CACNA1C: variants seen among roughly 807,000 people sequenced by gnomAD.
CACNA1C encodes voltage-dependent L-type calcium channel subunit alpha-1C.
Under a neutral mutation model 229.0 loss-of-function variants are expected in CACNA1C, and 30 were observed. The ratio of observed to expected loss-of-function variants is 0.13; its 90% CI spans 0.10 to 0.18. The LOEUF is 0.18. Among genes scored for constraint, CACNA1C ranks in the 10% least tolerant of loss-of-function variants. The pLI, the probability that CACNA1C is intolerant of heterozygous loss-of-function variation, is 1.00. For missense variants in CACNA1C, 1,658 were observed against 2,845.0 expected (o/e 0.58, Z 9.49); for synonymous variants, 1,114 against 1,132.5 (o/e 0.98, Z 0.33).
chr12:2,374,585 G>C (rs2097978938), intron 3 of CACNA1C, among the ~76,000 whole-genome samples: 1 of 152,220 alleles, frequency 6.6e-6, no homozygotes, highest in African/African-American at 2.4e-5. Flanking sequence ...GGCATTGGTA[G>C]AGCGGTCAGG....
chr12:1,978,124 G>A (rs1011994214), intron 1 of CACNA1C, among the ~76,000 whole-genome samples: 1 of 152,130 alleles, frequency 6.6e-6, no homozygotes, highest in Non-Finnish European at 1.5e-5. Flanking sequence ...TTTTGGCAAA[G>A]AGAAATCTTG....
Position 2,674,659 on chromosome 12 carries a change from C to T in CACNA1C, c.4828+17C>T, listed in dbSNP as rs1286891867. ...CTGCAGGTGGTGAGTGCTCCCTGGA[C>T]TCCCGCACCTTGGCCACTGCCTGGC... On this transcript the variant is annotated intron_variant, in intron 39 of 46. Coordinates refer to ENST00000399655, the MANE Select transcript of CACNA1C (RefSeq NM_000719.7). 1 of 1,543,326 alleles carries T rather than the reference C, an allele frequency of 6.5e-7. No individual in the cohort carries two copies. The highest frequency in any genetic ancestry group is 2.0e-5 in the Admixed American group (1 of 51,218).
chr12:2,637,628 C>T (rs2092967950), intron 30 of CACNA1C, among the ~76,000 whole-genome samples: 1 of 152,252 alleles, frequency 6.6e-6, no homozygotes, highest in African/African-American at 2.4e-5. Context: ...TCGCTCCCTC[C>T]CACTAGATTC....
At chr12:2,596,243 CT>C in intron 20 of CACNA1C, 1 of 414,662 alleles carries the variant, frequency 2.4e-6, no homozygotes, top group East Asian at 3.9e-5. Flanking sequence ...AAGATCAGGA[CT>C]TTCATTGCCT....
At chr12:2,202,156 A>G (rs1276861414) in intron 3 of CACNA1C, among the ~76,000 whole-genome samples, 4 of 152,184 alleles carry the variant, frequency 2.6e-5, no homozygotes, top group Admixed American at 1.3e-4. Flanking sequence ...GCTTTTGATA[A>G]ATTGGATTGA....
At chr12:2,162,800 A>G (rs2095959994) in intron 3 of CACNA1C, among the ~76,000 whole-genome samples, 1 of 152,162 alleles carries the variant, frequency 6.6e-6, no homozygotes, top group Non-Finnish European at 1.5e-5. Context: ...TGCCCTAAAC[A>G]GAGAACTTTG....
intron 3 of CACNA1C, among the ~76,000 whole-genome samples, chr12:2,263,668 C>T (rs541424582): frequency 2.0e-5 from 3 of 151,918 alleles, no homozygotes; most frequent in African/African-American, 7.2e-5. Context: ...TCTAGAAGTA[C>T]ACCAGAAATG....
rs1033569362 is a variant in CACNA1C at position 2,034,335 on chromosome 12, A to G, written c.139+63134A>G. ...GAAGGGAGTACACTTTCTCCGTGAG[A>G]TGCCAGATAACTGAAAGAGAACTAC... On this transcript the variant is annotated intron_variant, in intron 1 of 46. Transcript: ENST00000682462. The surrounding 1 kb of genome is among the most constrained non-coding windows in gnomAD (Gnocchi z 4.1). Among the ~76,000 whole-genome samples the G allele has an allele frequency of 1.3e-5, 2 of 152,208 alleles. No homozygotes were observed. The highest frequency in any genetic ancestry group is 2.9e-5 in the Non-Finnish European group (2 of 68,036).
In CACNA1C at chr12:2,664,921, T is replaced by C. The variant is rs750655594; in HGVS notation, c.4329T>C (p.Gly1443=). The C allele has an allele frequency of 3.1e-6, 5 of 1,613,710 alleles. No homozygotes were observed. The Admixed American group carries it at 8.3e-5, about 27-fold the overall frequency. ...PESEPSNSTE[G]ETPCGSSFAV... ...CCGAGCCCAGCAACAGCACGGAGGGTGAAACACCCTGTGGTAGCAGCTTTG... is the reference window on the plus strand; with the variant it reads ...CCGAGCCCAGCAACAGCACGGAGGGCGAAACACCCTGTGGTAGCAGCTTTG... The change falls in exon 35 of 47, where the codon GGT becomes GGC. Residue 1443 remains glycine (G), a synonymous_variant. Coordinates refer to ENST00000399655, the MANE Select transcript of CACNA1C (RefSeq NM_000719.7).
chr12:2,201,770 C>G (rs376058524), intron 3 of CACNA1C, among the ~76,000 whole-genome samples: 1 of 152,192 alleles, frequency 6.6e-6, no homozygotes, highest in Non-Finnish European at 1.5e-5. Context: ...GAGTGAGGAA[C>G]CCTCTCCAAG....
At chr12:2,497,811 T>A (rs151060740) in intron 7 of CACNA1C, among the ~76,000 whole-genome samples, 125 of 152,258 alleles carry the variant, frequency 8.2e-4, no homozygotes, top group African/African-American at 2.8e-3. Flanking sequence ...AAATAGTGTG[T>A]TCTCTAGAAC....
chr12:2,628,601 C>T (rs183839175), intron 29 of CACNA1C, among the ~76,000 whole-genome samples: 3 of 152,262 alleles, frequency 2.0e-5, no homozygotes, highest in South Asian at 2.1e-4. Flanking sequence ...GGCAGAGCAA[C>T]GCTGGTAAAT....
chr12:2,585,723 C>A lies in CACNA1C; in HGVS notation c.2461-112C>A. 2 of 930,628 alleles carry A rather than the reference C, an allele frequency of 2.1e-6. No homozygotes were observed. Among genetic ancestry groups the A allele is most frequent in the Non-Finnish European group, 3.4e-6 (2 of 580,942 alleles). The allele number at this position is 930,628 out of a possible 1,614,324, so 57.6% of individuals were successfully genotyped here. On this transcript the variant is annotated intron_variant, in intron 17 of 46. Coordinates refer to ENST00000399655, the MANE Select transcript of CACNA1C (RefSeq NM_000719.7). The surrounding 1 kb of genome is among the most constrained non-coding windows in gnomAD (Gnocchi z 4.1). ...AAGGAGATATGCAAAGTGACAAGTA[C>A]CTATTTTTGAGCTAAGTCACTGACT...
chr12:2,528,793 C>A (rs527830700), intron 9 of CACNA1C, among the ~76,000 whole-genome samples: 1 of 152,152 alleles, frequency 6.6e-6, no homozygotes, highest in Non-Finnish European at 1.5e-5. Flanking sequence ...GTGAGGCCGT[C>A]GGTTATCTGC....
At chr12:2,256,024 A>ACCACACGACCC (rs2077452744) in intron 3 of CACNA1C, among the ~76,000 whole-genome samples, 1 of 150,992 alleles carries the variant, frequency 6.6e-6, no homozygotes, top group African/African-American at 2.4e-5. Context: ...CTAGTTTACA[A>ACCACACGACCC]TCACACGATC....
intron 5 of CACNA1C, among the ~76,000 whole-genome samples, chr12:2,462,936 G>A (rs924831079): frequency 5.1e-5 from 7 of 136,584 alleles, no homozygotes; most frequent in South Asian, 2.3e-4. Context: ...TTTTTGAGAC[G>A]GAGTCTTGCT....
At chr12:2,265,162 C>T (rs560618517) in intron 3 of CACNA1C, among the ~76,000 whole-genome samples, 1 of 152,282 alleles carries the variant, frequency 6.6e-6, no homozygotes, top group South Asian at 2.1e-4. Context: ...AGGCCCTTGG[C>T]CTGCTGGGGG....
In CACNA1C at chr12:2,585,333, C is replaced by T. The variant is rs775832105; in HGVS notation, c.2340-43C>T. On this transcript the variant is annotated intron_variant, in intron 16 of 46. Transcript: ENST00000399655. This position sits in a 1 kb window ranked among gnomAD's most constrained non-coding sequence, Gnocchi z 4.1. ...CCCTCCTACACTGTTCCCTATCACT[C>T]CAGTAAACAGCCATTTATTTTTTTC... The T allele has an allele frequency of 5.6e-6, 9 of 1,593,202 alleles. No individual in the cohort carries two copies. The highest frequency in any genetic ancestry group is 7.7e-6 in the Non-Finnish European group (9 of 1,169,596).
At chr12:2,401,948 G>T (rs1278732023) in intron 3 of CACNA1C, among the ~76,000 whole-genome samples, 3 of 152,224 alleles carry the variant, frequency 2.0e-5, no homozygotes, top group Non-Finnish European at 4.4e-5. Context: ...TCTAGATATG[G>T]CATGAGCCTC....
Sources: allele counts gnomAD v4.1 joint callset (sites outside exome capture counted in the v4.1 genomes callset), GRCh38; gene constraint gnomAD v4.1.1; non-coding constraint Gnocchi (gnomAD v3.1); transcripts MANE v1.5; gene names NCBI Gene and HGNC (gene_info 2026-07-23, HGNC 2026-07-21).